Variants in AFF1 observed in about 807,000 individuals in gnomAD.
The protein encoded by AFF1 is AF4/FMR2 family member 1.
Under a neutral mutation model 121.7 loss-of-function variants are expected in AFF1, and 48 were observed. That is an observed-to-expected ratio of 0.39 (90% confidence interval 0.31 to 0.50). The LOEUF (loss-of-function observed/expected upper bound fraction) is 0.50. AFF1 is among the 20% of genes least tolerant of loss of function. The probability of loss-of-function intolerance (pLI) is 0.76; values close to 1 mark genes in which losing one functional copy is unlikely to be tolerated. For missense variants in AFF1, 1,523 were observed against 1,511.7 expected, an observed-to-expected ratio of 1.01 and a Z score of -0.12; for synonymous variants, 613 against 563.0, an observed-to-expected ratio of 1.09 and a Z score of -1.26.
At chr4:86,937,235 T>A (rs985731051) in intron 1 of AFF1, among the ~76,000 whole-genome samples, 2 of 152,244 alleles carry the variant, frequency 1.3e-5, no homozygotes, top group African/African-American at 2.4e-5. Context: ...TTTGCAAAAC[T>A]ATAATTTTGA....
In AFF1 at chr4:87,124,978, CTGTTT is replaced by C. The variant is rs1166815088; in HGVS notation, c.2467-55_2467-51del. Reference sequence around the variant, plus strand: ...CTTTGCCTTTTCTATATTTTCTTTTCTGTTTTGTCTGTACAATTATGTTGGTAATA... The same window carrying C: ...CTTTGCCTTTTCTATATTTTCTTTTCTGTCTGTACAATTATGTTGGTAATA... On this transcript the variant is annotated intron_variant, in intron 12 of 20. Coordinates refer to ENST00000395146, the MANE Select transcript of AFF1 (RefSeq NM_001166693.3). 8.6e-6 allele frequency: 12 copies of C among 1,396,344 alleles called. No individual in the cohort carries two copies. In the Admixed American group the frequency reaches 1.3e-4, roughly 15 times the overall value. The allele number at this position is 1,396,344 out of a possible 1,614,324, so 86.5% of individuals were successfully genotyped here.
At chr4:86,956,351 A>G (rs1721737847) in intron 2 of AFF1, among the ~76,000 whole-genome samples, 1 of 152,196 alleles carries the variant, frequency 6.6e-6, no homozygotes, top group Non-Finnish European at 1.5e-5. Flanking sequence ...GGAATTAGTT[A>G]TTTCCCAAAA....
chr4:87,071,173 C>CTTTT (rs34949744), intron 4 of AFF1, among the ~76,000 whole-genome samples: 1 of 120,734 alleles, frequency 8.3e-6, no homozygotes, highest in African/African-American at 3.0e-5. Context: ...CCCTACCAGT[C>CTTTT]TTTTTTTTTT....
At chr4:86,961,057 A>G (rs557775011) in intron 2 of AFF1, among the ~76,000 whole-genome samples, 1 of 152,366 alleles carries the variant, frequency 6.6e-6, no homozygotes, top group South Asian at 2.1e-4. Context: ...TCCAGATGAA[A>G]TATTTCCAAC....
chr4:86,964,429 A>G (rs1269579629), intron 2 of AFF1, among the ~76,000 whole-genome samples: 3 of 133,006 alleles, frequency 2.3e-5, no homozygotes, highest in East Asian at 2.2e-4. Context: ...GGGTTGTTCT[A>G]TACATCTTTT....
In AFF1 at chr4:87,114,489, G is replaced by C; in HGVS notation, c.1656G>C (p.Lys552Asn). The C allele has an allele frequency of 6.2e-7, 1 of 1,613,718 alleles. No homozygotes were observed. Among genetic ancestry groups the C allele is most frequent in the South Asian group, 1.1e-5 (1 of 91,062 alleles). ...TEPPRRHPES[K>N]GSSDSATSQE... ...CCCCACGGCGGCACCCAGAGAGTAAGGGCAGCAGCGACAGTGCCACGAGTC... is the reference window on the plus strand; with the variant it reads ...CCCCACGGCGGCACCCAGAGAGTAACGGCAGCAGCGACAGTGCCACGAGTC... The change falls in exon 12 of 21, where the codon AAG becomes AAC. Residue 552 changes from lysine (K) to asparagine (N), a missense_variant. Physicochemically the swap from Lys to Asn is moderately conservative, Grantham distance 94 (BLOSUM62 0). This residue lies in a region of AFF1 where 905 missense variants were observed against 842.5 expected (regional missense o/e 1.07). Coordinates refer to ENST00000395146, the MANE Select transcript of AFF1 (RefSeq NM_001166693.3).
intron 2 of AFF1, among the ~76,000 whole-genome samples, chr4:87,014,768 A>G (rs1204813882): frequency 6.6e-6 from 1 of 152,180 alleles, no homozygotes; most frequent in Non-Finnish European, 1.5e-5. Flanking sequence ...AACTTGTTAA[A>G]TTGCTTCTCC....
At chr4:87,113,926 CAAAA>C (rs1009267807) in intron 11 of AFF1, among the ~76,000 whole-genome samples, 2 of 151,890 alleles carry the variant, frequency 1.3e-5, no homozygotes, top group Admixed American at 6.6e-5. Context: ...AAAAATATGT[CAAAA>C]AAAGGATAAA....
chr4:86,985,687 T>C (rs977030985), intron 2 of AFF1, among the ~76,000 whole-genome samples: 1 of 151,572 alleles, frequency 6.6e-6, no homozygotes, highest in African/African-American at 2.4e-5. Flanking sequence ...AGTAAATAAA[T>C]AAACAAAAAT....
chr4:87,087,386 G>A (rs1345986801), intron 5 of AFF1, among the ~76,000 whole-genome samples: 1 of 152,186 alleles, frequency 6.6e-6, no homozygotes, highest in Admixed American at 6.5e-5. Flanking sequence ...GGGAAGAACT[G>A]GTGGAAAATC....
At chr4:87,039,078 G>C (rs1729853658) in intron 2 of AFF1, among the ~76,000 whole-genome samples, 1 of 152,202 alleles carries the variant, frequency 6.6e-6, no homozygotes, top group African/African-American at 2.4e-5. Context: ...CAGCCTGGGA[G>C]AAGGTGCTTA....
At position 87,042,067 on chromosome 4, in the gene AFF1, G is replaced by A. The variant is rs547823179; in HGVS notation, c.39-4099G>A. Among the ~76,000 whole-genome samples the A allele has an allele frequency of 8.6e-5, 13 of 150,506 alleles. 1 individual carries two copies. Among genetic ancestry groups the A allele is most frequent in the East Asian group, 3.9e-4 (2 of 5,118 alleles). On this transcript the variant is annotated intron_variant, in intron 2 of 20. Coordinates refer to ENST00000395146, the MANE Select transcript of AFF1 (RefSeq NM_001166693.3). ...TTGTGAATCATGTAGGGTATTTGCC[G>A]CCTCCTAAAATTCCCTCATTAAAAA...
chr4:87,022,772 GTATA>G (rs531375419), intron 2 of AFF1, among the ~76,000 whole-genome samples: 1 of 149,820 alleles, frequency 6.7e-6, no homozygotes, highest in South Asian at 2.1e-4. Context: ...TCATGTGTGT[GTATA>G]TATATACATA....
chr4:86,994,743 T>C (rs1724985029), intron 2 of AFF1, among the ~76,000 whole-genome samples: 1 of 152,044 alleles, frequency 6.6e-6, no homozygotes, highest in Non-Finnish European at 1.5e-5. Flanking sequence ...GTTTAGATAA[T>C]GGTAAGGGGT....
chr4:87,111,060 T>C (rs1206061392), intron 11 of AFF1, among the ~76,000 whole-genome samples: 1 of 50,164 alleles, frequency 2.0e-5, no homozygotes, highest in African/African-American at 6.5e-5. Context: ...CAGGCTGGAG[T>C]GCAGTGGCGC....
At chr4:87,067,229 T>C (rs907172588) in intron 4 of AFF1, among the ~76,000 whole-genome samples, 13 of 152,222 alleles carry the variant, frequency 8.5e-5, no homozygotes, top group Admixed American at 1.3e-4. Flanking sequence ...ATCTGCATTT[T>C]ATTGAGAACA....
intron 1 of AFF1, 161 bp downstream of exon 1, chr4:86,935,401 C>T (rs1447358095): frequency 3.3e-5 from 5 of 152,272 alleles, no homozygotes; most frequent in Admixed American, 2.0e-4. Flanking sequence ...CGGTGGGAGC[C>T]CTCGGGGAGA....
chr4:87,105,729 C>G (rs775004720), intron 9 of AFF1, 47 bp downstream of exon 9: 1 of 1,613,498 alleles, frequency 6.2e-7, no homozygotes, highest in Non-Finnish European at 8.5e-7. Flanking sequence ...TTAAATACAT[C>G]TAACAGATCT....
rs1435322003 is a variant in AFF1 at position 87,138,763 on chromosome 4, C to A, written c.*3062C>A. 4.3e-6 allele frequency: 1 copy of A among 230,442 alleles called. No homozygotes were observed. Among genetic ancestry groups the A allele is most frequent in the Non-Finnish European group, 8.6e-6 (1 of 116,422 alleles). 14.3% of individuals were successfully genotyped at this position (230,442 alleles called of 1,614,324 possible). On this transcript the variant is annotated 3_prime_UTR_variant, in exon 21 of 21. Transcript: ENST00000395146. Reference sequence around the variant, plus strand: ...GAATCACAATAGGAGGAGAATTTGACTGTCTGATATTATGATTTGATTACA... The same window carrying A: ...GAATCACAATAGGAGGAGAATTTGAATGTCTGATATTATGATTTGATTACA...
Sources: allele counts gnomAD v4.1 joint callset (sites outside exome capture counted in the v4.1 genomes callset), GRCh38; gene constraint gnomAD v4.1.1; regional missense constraint gnomAD v4.1.1; transcripts MANE v1.5; gene names NCBI Gene and HGNC (gene_info 2026-07-23, HGNC 2026-07-21).